GTF2I: variants seen among roughly 807,000 people sequenced by gnomAD.
The protein encoded by GTF2I is general transcription factor IIi.
In GTF2I, 12 loss-of-function variants were observed where a neutral mutation model predicts 67.6. That is an observed-to-expected ratio of 0.18 (90% CI 0.11 to 0.29). The LOEUF is 0.29. GTF2I is among the 10% of genes least tolerant of loss of function. The pLI is 1.00. For synonymous variants in GTF2I, 149 were observed against 197.0 expected, an observed-to-expected ratio of 0.76 and a Z score of 2.04; for missense variants, 271 against 580.1, an observed-to-expected ratio of 0.47 and a Z score of 5.47.
At chr7:74,705,501 G>A (rs1340468769) in intron 7 of GTF2I, among the ~76,000 whole-genome samples, 3 of 151,114 alleles carry the variant, frequency 2.0e-5, no homozygotes, top group Non-Finnish European at 4.4e-5. Context: ...TTATTATACT[G>A]TTTTCCCCAA....
intron 27 of GTF2I, 106 bp from the exon 28 acceptor site, chr7:74,751,981 AAAG>A: frequency 2.4e-6 from 1 of 409,494 alleles, no homozygotes; most frequent in South Asian, 2.2e-5. Flanking sequence ...TCTACCATGG[AAAG>A]AAAGAACCTT....
intron 3 of GTF2I, 50 bp from the exon 4 acceptor site, chr7:74,698,911 A>G (rs1277799100): frequency 3.1e-5 from 29 of 937,236 alleles, no homozygotes; most frequent in Non-Finnish European, 4.0e-5. Context: ...AAGGTAATGG[A>G]TATGGACCTT....
At chr7:74,681,359 T>A (rs1787252118) in intron 1 of GTF2I, among the ~76,000 whole-genome samples, 4 of 151,264 alleles carry the variant, frequency 2.6e-5, no homozygotes, top group Non-Finnish European at 3.0e-5. Context: ...TGCTTGAACC[T>A]GGGAGGCAGA....
At chr7:74,686,405 T>C (rs1787728905) in intron 1 of GTF2I, among the ~76,000 whole-genome samples, 1 of 152,146 alleles carries the variant, frequency 6.6e-6, no homozygotes, top group Admixed American at 6.5e-5. Flanking sequence ...GTAACAGCAG[T>C]AGGCAGAAAA....
Position 74,700,243 on chromosome 7 carries a change from C to T in GTF2I, c.374-4C>T. The T allele has an allele frequency of 6.2e-7, 1 of 1,612,986 alleles. No individual in the cohort carries two copies. The highest frequency in any genetic ancestry group is 8.5e-7 in the Non-Finnish European group (1 of 1,179,416). ...GATGTTCATCCGCTTTTCATCTGCC[C>T]CAGGGAAAGCTTTAGGCAAATCCAC... is the stretch of plus-strand genomic sequence containing the variant. On this transcript the variant is annotated splice_polypyrimidine_tract_variant and splice_region_variant and intron_variant, in intron 4 of 34. Transcript: ENST00000573035.
chr7:74,705,600 C>T (rs973647943), intron 7 of GTF2I, among the ~76,000 whole-genome samples: 1 of 148,832 alleles, frequency 6.7e-6, no homozygotes, highest in Non-Finnish European at 1.5e-5. Flanking sequence ...TCTTTTTGCC[C>T]ATGCTAGAGT....
chr7:74,671,818 C>T (rs1805481498), intron 1 of GTF2I, among the ~76,000 whole-genome samples: 1 of 151,424 alleles, frequency 6.6e-6, no homozygotes, highest in South Asian at 2.1e-4. Context: ...CCTGTCTCTA[C>T]CAAAAAATCA....
chr7:74,686,913 A>G (rs1787792073), intron 1 of GTF2I, among the ~76,000 whole-genome samples: 1 of 149,318 alleles, frequency 6.7e-6, no homozygotes, highest in South Asian at 2.1e-4. Flanking sequence ...TTTTTGAGAT[A>G]GAGTCTTGCT....
intron 12 of GTF2I, among the ~76,000 whole-genome samples, chr7:74,722,172 G>A (rs1426513730): frequency 1.3e-5 from 2 of 152,096 alleles, no homozygotes; most frequent in African/African-American, 4.8e-5. Flanking sequence ...TGACACCGAC[G>A]CGGACGTGTT....
intron 1 of GTF2I, among the ~76,000 whole-genome samples, chr7:74,685,682 G>C (rs1403794274): frequency 6.6e-6 from 1 of 151,842 alleles, no homozygotes; most frequent in Non-Finnish European, 1.5e-5. Flanking sequence ...CAGGAGAATC[G>C]TTTGAACCCG....
At chr7:74,682,287 A>G (rs1787340153) in intron 1 of GTF2I, among the ~76,000 whole-genome samples, 1 of 152,238 alleles carries the variant, frequency 6.6e-6, no homozygotes, top group Admixed American at 6.5e-5. Flanking sequence ...ATTCTTACTG[A>G]AAACAACCAA....
intron 12 of GTF2I, among the ~76,000 whole-genome samples, chr7:74,720,757 T>TG (rs1792863836): frequency 2.0e-5 from 3 of 150,996 alleles, no homozygotes; most frequent in Non-Finnish European, 4.4e-5. Context: ...TTTTTTTTTT[T>TG]TTTGAGACAG....
intron 2 of GTF2I, 147 bp from the exon 3 acceptor site, chr7:74,690,826 G>A (rs1788222939): frequency 1.1e-5 from 8 of 719,084 alleles, no homozygotes; most frequent in Non-Finnish European, 1.9e-5. Flanking sequence ...TATAAATTCT[G>A]TGTTGTCTTT....
intron 4 of GTF2I, chr7:74,700,028 A>G (rs886299713): frequency 6.1e-6 from 3 of 492,132 alleles, no homozygotes; most frequent in Non-Finnish European, 1.1e-5. Context: ...TTTTTAAAGT[A>G]AAATATTTTA....
chr7:74,659,630 A>G (rs1554385491), intron 1 of GTF2I, among the ~76,000 whole-genome samples: 1 of 151,852 alleles, frequency 6.6e-6, no homozygotes, highest in Non-Finnish European at 1.5e-5. Flanking sequence ...TCAAGCTGAA[A>G]GCAATCGGCC....
chr7:74,683,849 T>C (rs989518789), intron 1 of GTF2I, among the ~76,000 whole-genome samples: 2 of 150,698 alleles, frequency 1.3e-5, no homozygotes, highest in Admixed American at 6.6e-5. Flanking sequence ...CGAGACTCCT[T>C]CCCCCCACCA....
chr7:74,685,976 C>T (rs1787691571), intron 1 of GTF2I, among the ~76,000 whole-genome samples: 1 of 152,122 alleles, frequency 6.6e-6, no homozygotes, highest in Admixed American at 6.6e-5. Context: ...TGGCGTGAAC[C>T]CGGGAGGCGG....
chr7:74,702,802 C>T (rs2131351950), intron 6 of GTF2I, among the ~76,000 whole-genome samples: 2 of 150,974 alleles, frequency 1.3e-5, no homozygotes, highest in Middle Eastern at 3.4e-3. Context: ...GGCGCCATCT[C>T]AGCTTAGTGC....
Position 74,667,173 on chromosome 7 carries a change from T to C in GTF2I, c.-6+9105T>C, listed in dbSNP as rs183104214. ...GAAAACAAACAAACAAAAAAACACA[T>C]CTCTACTGAAAATACAGAAGTTAGC... is the stretch of plus-strand genomic sequence containing the variant. On this transcript the variant is annotated intron_variant, in intron 1 of 34. Coordinates refer to ENST00000573035, the MANE Select transcript of GTF2I (RefSeq NM_032999.4). 1.9e-3 allele frequency among the ~76,000 whole-genome samples: 286 copies of C among 151,582 alleles called. 1 individual carries two copies. Among genetic ancestry groups the C allele is most frequent in the Non-Finnish European group, 3.2e-3 (220 of 67,832 alleles).
Sources: allele counts gnomAD v4.1 joint callset (sites outside exome capture counted in the v4.1 genomes callset), GRCh38; gene constraint gnomAD v4.1.1; transcripts MANE v1.5; gene names NCBI Gene and HGNC (gene_info 2026-07-23, HGNC 2026-07-21).